The following DTWD2 variants were observed in gnomAD, a reference collection of about 807,000 sequenced individuals.
DTWD2 encodes DTW motif tRNA-uridine aminocarboxypropyltransferase 2, also known as tRNA-uridine aminocarboxypropyltransferase 2.
In DTWD2, 39 loss-of-function variants were observed where a neutral mutation model predicts 31.8. The observed-to-expected ratio is 1.22, with a 90% CI of 0.95 to 1.60. The LOEUF (loss-of-function observed/expected upper bound fraction) is 1.60, where lower values mean the gene tolerates loss of function less well. DTWD2 is among the 40% of genes most tolerant of loss of function. DTWD2 has a pLI of 0.00. For synonymous variants in DTWD2, 180 were observed against 142.8 expected (o/e 1.26, Z -1.86); for missense variants, 515 against 381.5 (o/e 1.35, Z -2.92).
rs1029890936 is a variant in DTWD2, at chr5:118,836,575, A to G, written c.*4342T>C. Among the ~76,000 whole-genome samples, 1 of 152,148 alleles carries G rather than the reference A, an allele frequency of 6.6e-6. No individual in the cohort carries two copies. The highest frequency in any genetic ancestry group is 1.9e-4 in the East Asian group (1 of 5,204). On this transcript the variant is annotated 3_prime_UTR_variant, in exon 6 of 6. Coordinates refer to ENST00000510708, the MANE Select transcript of DTWD2 (RefSeq NM_173666.4). Reference sequence around the variant, plus strand: ...CTTAAAAATTGAAAAACAATTACTTATTTCTCTAATATGCTTTTTAGTAGA... The same window carrying G: ...CTTAAAAATTGAAAAACAATTACTTGTTTCTCTAATATGCTTTTTAGTAGA...
At position 118,948,430 on chromosome 5, in the gene DTWD2, G is replaced by A. The variant is rs184013050; in HGVS notation, c.219-3781C>T. Among the ~76,000 whole-genome samples the A allele has an allele frequency of 1.4e-3, 219 of 152,226 alleles. 1 individual carries two copies. Among genetic ancestry groups the A allele is most frequent in the East Asian group, 2.7e-3 (14 of 5,182 alleles). Reference sequence around the variant, plus strand: ...CGGGAGGCGGAGCTTGCAGTGAGCCGAGATCATGCCACTGCACTCCAGCCT... The same window carrying A: ...CGGGAGGCGGAGCTTGCAGTGAGCCAAGATCATGCCACTGCACTCCAGCCT... On this transcript the variant is annotated intron_variant, in intron 1 of 5. Transcript: ENST00000510708.
intron 2 of DTWD2, among the ~76,000 whole-genome samples, chr5:118,943,682 G>C (rs945982323): frequency 1.3e-5 from 2 of 152,176 alleles, no homozygotes; most frequent in African/African-American, 2.4e-5. Flanking sequence ...AGATTGCAGT[G>C]AGCTGAGATT....
chr5:118,912,526 C>T (rs1358902246), intron 4 of DTWD2, among the ~76,000 whole-genome samples: 1 of 152,214 alleles, frequency 6.6e-6, no homozygotes, highest in Non-Finnish European at 1.5e-5. Context: ...CTCAAACATG[C>T]GGAGCTTTTT....
chr5:118,893,936 GCACC>G (rs1270024261), intron 4 of DTWD2, among the ~76,000 whole-genome samples: 1 of 151,796 alleles, frequency 6.6e-6, no homozygotes, highest in Non-Finnish European at 1.5e-5. Context: ...CCATAAAGGA[GCACC>G]GTTGGTTAAC....
At chr5:118,946,468 T>C (rs942215656) in intron 1 of DTWD2, among the ~76,000 whole-genome samples, 2 of 152,116 alleles carry the variant, frequency 1.3e-5, no homozygotes, top group African/African-American at 4.8e-5. Context: ...TACATTCAAA[T>C]TCTAAAAAAC....
intron 4 of DTWD2, among the ~76,000 whole-genome samples, chr5:118,851,111 G>T (rs989980452): frequency 4.6e-5 from 7 of 151,276 alleles, no homozygotes; most frequent in African/African-American, 1.7e-4. Flanking sequence ...GCTGGGCATG[G>T]TGGTACACAT....
chr5:118,890,360 T>C (rs1008404387), intron 4 of DTWD2, among the ~76,000 whole-genome samples: 2 of 152,280 alleles, frequency 1.3e-5, no homozygotes, highest in Admixed American at 1.3e-4. Context: ...TTAAGGTTCT[T>C]AGATTTTAAA....
chr5:118,985,795 A>G (rs1561483283), intron 1 of DTWD2, among the ~76,000 whole-genome samples: 1 of 152,148 alleles, frequency 6.6e-6, no homozygotes, highest in Non-Finnish European at 1.5e-5. Flanking sequence ...TTTTACAAAT[A>G]CTTTTACTTT....
intron 1 of DTWD2, chr5:118,988,015 T>C (rs1388475700): frequency 5.8e-6 from 4 of 689,886 alleles, no homozygotes; most frequent in Non-Finnish European, 1.1e-5. Flanking sequence ...ACTTCCCCTA[T>C]TGGACGCTTA....
intron 4 of DTWD2, among the ~76,000 whole-genome samples, chr5:118,879,257 A>C (rs528075922): frequency 6.6e-6 from 1 of 152,288 alleles, no homozygotes; most frequent in African/African-American, 2.4e-5. Flanking sequence ...TTAGTGATAG[A>C]CTGAATAAGG....
chr5:118,874,986 A>G (rs1752589369), intron 4 of DTWD2, among the ~76,000 whole-genome samples: 1 of 152,208 alleles, frequency 6.6e-6, no homozygotes, highest in Non-Finnish European at 1.5e-5. Context: ...TCACCTACAA[A>G]GAGAAACCCA....
At chr5:118,883,829 CAAGAT>C (rs1752796776) in intron 4 of DTWD2, among the ~76,000 whole-genome samples, 1 of 151,992 alleles carries the variant, frequency 6.6e-6, no homozygotes, top group Non-Finnish European at 1.5e-5. Flanking sequence ...AACCATATCA[CAAGAT>C]AAAACTTATT....
At chr5:118,884,659 C>G (rs994981015) in intron 4 of DTWD2, among the ~76,000 whole-genome samples, 1 of 152,052 alleles carries the variant, frequency 6.6e-6, no homozygotes, top group East Asian at 1.9e-4. Flanking sequence ...TTCAAATATC[C>G]TCTAACACTT....
intron 1 of DTWD2, among the ~76,000 whole-genome samples, chr5:118,978,086 A>G (rs1316312374): frequency 6.6e-6 from 1 of 151,298 alleles, no homozygotes; most frequent in Non-Finnish European, 1.5e-5. Flanking sequence ...AAGCCTGACA[A>G]AAACAAGCAA....
intron 4 of DTWD2, among the ~76,000 whole-genome samples, chr5:118,922,275 G>A (rs951370961): frequency 3.3e-5 from 5 of 152,100 alleles, no homozygotes; most frequent in East Asian, 3.8e-4. Flanking sequence ...GTTCACATAC[G>A]GCTAGTTACT....
rs749424444 is a variant in DTWD2, at chr5:118,988,416, C to G, written c.96G>C (p.Arg32=). 1 of 1,604,570 alleles carries G rather than the reference C, an allele frequency of 6.2e-7. No individual in the cohort carries two copies. Among genetic ancestry groups the G allele is most frequent in the African/African-American group, 1.4e-5 (1 of 74,008 alleles). Reference sequence around the variant, plus strand: ...CCGCCGCCGGCACTGCGCCGCCCTCCCGCCGCTCCTTGTCGTTCGGCGTCT... The same window carrying G: ...CCGCCGCCGGCACTGCGCCGCCCTCGCGCCGCTCCTTGTCGTTCGGCGTCT... ...SSQTPNDKER[R]EGGAVPAAAA... Residue 32 remains arginine, a synonymous_variant, in exon 1 of 6, where the codon CGG becomes CGC. Transcript: ENST00000510708.
chr5:118,974,631 C>A (rs1386880897), intron 1 of DTWD2: 1 of 506,148 alleles, frequency 2.0e-6, no homozygotes, highest in African/African-American at 2.0e-5. Context: ...ATGTACTTAG[C>A]TGTACTATAA....
intron 4 of DTWD2, among the ~76,000 whole-genome samples, chr5:118,926,653 G>A (rs1040874418): frequency 1.3e-5 from 2 of 152,142 alleles, no homozygotes; most frequent in Non-Finnish European, 2.9e-5. Flanking sequence ...TACAGTGACA[G>A]TTATACTAGC....
At chr5:118,959,061 C>T (rs1263815756) in intron 1 of DTWD2, among the ~76,000 whole-genome samples, 2 of 152,148 alleles carry the variant, frequency 1.3e-5, no homozygotes, top group East Asian at 3.8e-4. Context: ...CTCACTCTCA[C>T]CACTCCTATT....
Sources: allele counts gnomAD v4.1 joint callset (sites outside exome capture counted in the v4.1 genomes callset), GRCh38; gene constraint gnomAD v4.1.1; transcripts MANE v1.5; gene names NCBI Gene and HGNC (gene_info 2026-07-23, HGNC 2026-07-21).